TMEM50B: variants seen among roughly 807,000 people sequenced by gnomAD.
TMEM50B encodes HCV p7-trans-regulated protein 3.
A neutral mutation model predicts 23.4 loss-of-function variants in TMEM50B; 14 were observed. That is an observed-to-expected ratio of 0.60 (90% confidence interval 0.39 to 0.93). The LOEUF (loss-of-function observed/expected upper bound fraction) is 0.93. Among genes scored for constraint, TMEM50B ranks in the 40% least tolerant of loss-of-function variants. The probability of loss-of-function intolerance (pLI) is 0.00; values close to 1 mark genes in which losing one functional copy is unlikely to be tolerated. For synonymous variants in TMEM50B, 64 were observed against 62.3 expected (o/e 1.03, Z -0.13); for missense variants, 159 against 193.0 (o/e 0.82, Z 1.04).
intron 1 of TMEM50B, 133 bp from the exon 2 acceptor site, chr21:33,469,059 A>G (rs2084289412): frequency 1.7e-6 from 1 of 604,790 alleles, no homozygotes; most frequent in South Asian, 2.0e-5. Flanking sequence ...GAAAAATTCA[A>G]TACTTCAACA....
intron 6 of TMEM50B, among the ~76,000 whole-genome samples, chr21:33,454,259 T>C (rs568761786): frequency 5.9e-5 from 9 of 152,222 alleles, no homozygotes; most frequent in Middle Eastern, 3.4e-3. Flanking sequence ...AAAACAGAAT[T>C]TCCCAACAGG....
At chr21:33,442,927 A>AC (rs2084020607) in intron 7 of TMEM50B, among the ~76,000 whole-genome samples, 1 of 152,138 alleles carries the variant, frequency 6.6e-6, no homozygotes, top group Admixed American at 6.5e-5. Flanking sequence ...TCTCAAAAAA[A>AC]AAAACAAAAC....
chr21:33,451,083 G>C (rs1013037789), intron 6 of TMEM50B, among the ~76,000 whole-genome samples: 5 of 152,140 alleles, frequency 3.3e-5, no homozygotes, highest in African/African-American at 1.2e-4. Context: ...TAAGGCCTGG[G>C]AAGTTATTAA....
At chr21:33,447,888 AC>A (rs1473613701), downstream of TMEM50B, among the ~76,000 whole-genome samples, 1 of 152,220 alleles carries the variant, frequency 6.6e-6, no homozygotes, top group Non-Finnish European at 1.5e-5. Context: ...CAGCTTGAGA[AC>A]CTTAGTAAGG....
chr21:33,452,568 A>G (rs2084131767), intron 6 of TMEM50B, among the ~76,000 whole-genome samples: 1 of 152,216 alleles, frequency 6.6e-6, no homozygotes, highest in Non-Finnish European at 1.5e-5. Context: ...GGAAACACTC[A>G]AAGGGTATGA....
rs567016132 is a variant in TMEM50B at position 33,436,743 on chromosome 21, A to T, written c.*2120+2471T>A. The T allele has an allele frequency of 2.3e-4, 265 of 1,138,566 alleles. No individual in the cohort carries two copies. In the African/African-American group the frequency reaches 2.3e-3, roughly 10 times the overall value. 70.5% of individuals were successfully genotyped at this position (1,138,566 alleles called of 1,614,324 possible). A position where few individuals can be genotyped will look rare whatever the true frequency, so the allele number is the denominator to read the frequency against. On this transcript the variant is annotated intron_variant and NMD_transcript_variant, in intron 8 of 8. Transcript: ENST00000420455. ...TCAAAAAAAAAATAAAAATAAAAAT[A>T]AAATAAAAACAAAAACTAAAGTTAA...
intron 8 of TMEM50B, among the ~76,000 whole-genome samples, chr21:33,433,367 C>T (rs987794947): frequency 1.3e-5 from 2 of 152,134 alleles, no homozygotes; most frequent in South Asian, 2.1e-4. Context: ...ACTCCGGTGT[C>T]GTTGAAGGAT....
At chr21:33,435,882 CAAAAAAA>C (rs35251279) in intron 8 of TMEM50B, among the ~76,000 whole-genome samples, 713 of 48,246 alleles carry the variant, frequency 0.015, 9 homozygotes, top group African/African-American at 0.066. Flanking sequence ...GACTCCGTCT[CAAAAAAA>C]AAAAAAAAAA....
At chr21:33,443,304 C>T (rs1266673675) in intron 7 of TMEM50B, among the ~76,000 whole-genome samples, 1 of 152,128 alleles carries the variant, frequency 6.6e-6, no homozygotes, top group South Asian at 2.1e-4. Context: ...ACTGTGAGTA[C>T]CTTCAAGTGT....
chr21:33,457,747 C>G (rs536007259), intron 5 of TMEM50B, among the ~76,000 whole-genome samples: 1 of 152,004 alleles, frequency 6.6e-6, no homozygotes, highest in Non-Finnish European at 1.5e-5. Flanking sequence ...TCCCTATTTT[C>G]ACTATAGAAA....
chr21:33,471,525 CA>C (rs2084315310), intron 1 of TMEM50B, among the ~76,000 whole-genome samples: 1 of 152,042 alleles, frequency 6.6e-6, no homozygotes, highest in African/African-American at 2.4e-5. Flanking sequence ...AAAACATGGT[CA>C]AAATAACTGA....
downstream of TMEM50B, among the ~76,000 whole-genome samples, chr21:33,447,842 A>G (rs2084078629): frequency 1.3e-5 from 2 of 152,176 alleles, no homozygotes; most frequent in South Asian, 2.1e-4. Context: ...CACACACAAA[A>G]AACACTCAGA....
chr21:33,455,836 A>G, intron 5 of TMEM50B, 52 bp from the exon 6 acceptor site: 1 of 1,299,416 alleles, frequency 7.7e-7, no homozygotes, highest in Non-Finnish European at 1.1e-6. Flanking sequence ...AAACGGCAGT[A>G]ATAAAGTATC....
intron 7 of TMEM50B, among the ~76,000 whole-genome samples, chr21:33,441,907 A>G (rs2084012094): frequency 6.6e-6 from 1 of 152,236 alleles, no homozygotes; most frequent in Non-Finnish European, 1.5e-5. Flanking sequence ...CTGGGATTAC[A>G]GGCATGAGCC....
chr21:33,456,718 C>T (rs1040499560), intron 5 of TMEM50B, among the ~76,000 whole-genome samples: 2 of 152,090 alleles, frequency 1.3e-5, no homozygotes, highest in African/African-American at 4.8e-5. Context: ...ATTATTTAAC[C>T]TCAGCATATC....
intron 5 of TMEM50B, among the ~76,000 whole-genome samples, chr21:33,459,384 G>C (rs1182834879): frequency 6.6e-6 from 1 of 152,138 alleles, no homozygotes; most frequent in Non-Finnish European, 1.5e-5. Context: ...TTACAGGATT[G>C]GCTGGGCATG....
At chr21:33,474,500 G>A (rs1266525461) in intron 1 of TMEM50B, among the ~76,000 whole-genome samples, 1 of 151,500 alleles carries the variant, frequency 6.6e-6, no homozygotes, top group African/African-American at 2.4e-5. Flanking sequence ...AAAAACTGAA[G>A]AGGCCAGGTG....
chr21:33,447,683 C>T (rs796920537), downstream of TMEM50B, among the ~76,000 whole-genome samples: 59 of 76,852 alleles, frequency 7.7e-4, no homozygotes, highest in African/African-American at 2.8e-3. Context: ...TATAGAAATA[C>T]ACACACACAC....
rs1051435026 is a variant in TMEM50B, at chr21:33,471,096, C to T, written c.-41-2170G>A. On this transcript the variant is annotated intron_variant, in intron 1 of 6. Coordinates refer to ENST00000542230, the MANE Select transcript of TMEM50B (RefSeq NM_006134.7). ...AGCTGGAAATTGAAGGGGGACATCTCGGAAAGGAGTAAGTCACAAAGAGAG... is the reference window on the plus strand; with the variant it reads ...AGCTGGAAATTGAAGGGGGACATCTTGGAAAGGAGTAAGTCACAAAGAGAG... 2.6e-5 allele frequency among the ~76,000 whole-genome samples: 4 copies of T among 151,918 alleles called. No homozygotes were observed. In the East Asian group the frequency reaches 5.8e-4, roughly 22 times the overall value.
Sources: allele counts gnomAD v4.1 joint callset (sites outside exome capture counted in the v4.1 genomes callset), GRCh38; gene constraint gnomAD v4.1.1; transcripts MANE v1.5; gene names NCBI Gene and HGNC (gene_info 2026-07-23, HGNC 2026-07-21).